CDK14: variants seen among roughly 807,000 people sequenced by gnomAD.
CDK14 encodes the protein cyclin-dependent kinase 14.
CDK14 carries 34 observed loss-of-function variants against 60.7 expected under a neutral mutation model. The observed-to-expected ratio is 0.56, with a 90% CI of 0.43 to 0.75. The LOEUF (loss-of-function observed/expected upper bound fraction) is 0.75. CDK14 is among the 30% of genes least tolerant of loss of function. CDK14 has a pLI of 0.00. For missense variants in CDK14, 482 were observed against 564.1 expected (o/e 0.85, Z 1.47); for synonymous variants, 197 against 203.7 (o/e 0.97, Z 0.28).
chr7:91,014,298 A>G (rs1796243461), intron 10 of CDK14, among the ~76,000 whole-genome samples: 1 of 152,122 alleles, frequency 6.6e-6, no homozygotes, highest in East Asian at 1.9e-4. Flanking sequence ...TGCTTTCTCA[A>G]ATTAGCTTAT....
At chr7:90,892,309 G>A (rs1399510683) in intron 6 of CDK14, among the ~76,000 whole-genome samples, 1 of 150,456 alleles carries the variant, frequency 6.6e-6, no homozygotes, top group Non-Finnish European at 1.5e-5. Flanking sequence ...CTCCACTCAC[G>A]CCTGTTTTAA....
At chr7:91,201,297 AG>A (rs1802714164) in intron 14 of CDK14, among the ~76,000 whole-genome samples, 1 of 152,032 alleles carries the variant, frequency 6.6e-6, no homozygotes, top group Non-Finnish European at 1.5e-5. Context: ...CTTCTCTGTT[AG>A]GCATATTTAC....
At chr7:91,197,711 C>T (rs1349017016) in intron 14 of CDK14, among the ~76,000 whole-genome samples, 1 of 152,154 alleles carries the variant, frequency 6.6e-6, no homozygotes, top group Non-Finnish European at 1.5e-5. Flanking sequence ...GGAGAAAATT[C>T]CACATGAGCA....
chr7:90,794,630 C>G (rs540911377), intron 5 of CDK14, among the ~76,000 whole-genome samples: 1 of 152,198 alleles, frequency 6.6e-6, no homozygotes, highest in Admixed American at 6.5e-5. Context: ...AGTTATCTCC[C>G]TTGTTCCCTG....
At chr7:91,170,852 C>T (rs1175886746) in intron 14 of CDK14, among the ~76,000 whole-genome samples, 1 of 150,942 alleles carries the variant, frequency 6.6e-6, no homozygotes, top group African/African-American at 2.4e-5. Context: ...CTGCAACCTC[C>T]ACCTCCCGGG....
intron 5 of CDK14, among the ~76,000 whole-genome samples, chr7:90,847,582 G>C (rs1241079155): frequency 6.6e-6 from 1 of 151,946 alleles, no homozygotes; most frequent in Non-Finnish European, 1.5e-5. Context: ...CTTTTTAAAT[G>C]CATACAGTTC....
At chr7:90,621,196 C>T (rs926505248) in intron 2 of CDK14, among the ~76,000 whole-genome samples, 5 of 152,280 alleles carry the variant, frequency 3.3e-5, no homozygotes, top group African/African-American at 7.2e-5. Context: ...TGTACCTCCT[C>T]GTTTTTGGGT....
At chr7:90,816,328 G>T (rs1368903582) in intron 5 of CDK14, among the ~76,000 whole-genome samples, 3 of 152,278 alleles carry the variant, frequency 2.0e-5, no homozygotes, top group South Asian at 4.1e-4. Flanking sequence ...TTGCTAGTAG[G>T]GTGTGTGGGT....
intron 2 of CDK14, among the ~76,000 whole-genome samples, chr7:90,692,346 A>T (rs188926034): frequency 2.6e-4 from 40 of 152,234 alleles, no homozygotes; most frequent in African/African-American, 8.9e-4. Flanking sequence ...TCAACTTTGG[A>T]TGGCTGTGTG....
At chr7:91,132,402 GAC>G (rs1001927824) in intron 14 of CDK14, among the ~76,000 whole-genome samples, 1 of 152,100 alleles carries the variant, frequency 6.6e-6, no homozygotes, top group African/African-American at 2.4e-5. Flanking sequence ...GGAGTGAGAA[GAC>G]ACGCGCAGAG....
At chr7:90,672,536 T>TTTTTA (rs1563039673) in intron 2 of CDK14, among the ~76,000 whole-genome samples, 1 of 101,724 alleles carries the variant, frequency 9.8e-6, no homozygotes, top group Non-Finnish European at 1.9e-5. Context: ...TTTTTTTTTT[T>TTTTTA]AATAATTTGG....
intron 14 of CDK14, among the ~76,000 whole-genome samples, chr7:91,164,626 C>T (rs1801287547): frequency 6.6e-6 from 1 of 152,186 alleles, no homozygotes; most frequent in Non-Finnish European, 1.5e-5. Context: ...GAATAAAACA[C>T]ACCATTATTA....
In CDK14 at chr7:90,925,702, A is replaced by C. The variant is rs114402097; in HGVS notation, c.826+7978A>C. On this transcript the variant is annotated intron_variant, in intron 8 of 14. Coordinates refer to ENST00000380050, the MANE Select transcript of CDK14 (RefSeq NM_001287135.2). The stretch of plus-strand genomic sequence containing the variant: ...CATAGCAAGACCTCGTCTCTAAAAA[A>C]ATAATGAAAATAAATAAATAATGAC... 7.7e-3 allele frequency among the ~76,000 whole-genome samples: 1,164 copies of C among 152,032 alleles called. 18 individuals are homozygous for C. Among genetic ancestry groups the C allele is most frequent in the African/African-American group, 0.027 (1,123 of 41,490 alleles).
At chr7:90,909,301 T>C (rs1457865616) in intron 7 of CDK14, among the ~76,000 whole-genome samples, 1 of 152,180 alleles carries the variant, frequency 6.6e-6, no homozygotes, top group African/African-American at 2.4e-5. Flanking sequence ...TTTCAGTTTT[T>C]CTCTTGGAAA....
Position 91,034,733 on chromosome 7 carries a change from C to T in CDK14, c.1042-11164C>T, listed in dbSNP as rs114526695. On this transcript the variant is annotated intron_variant, in intron 10 of 14. Transcript: ENST00000380050. ...AACCTCACTACAGATTCTGCTGCTC[C>T]GCAAAACACAACCCAGAATCATAGT... 3.2e-3 allele frequency among the ~76,000 whole-genome samples: 486 copies of T among 152,186 alleles called. 3 individuals carry two copies. The highest frequency in any genetic ancestry group is 0.011 in the African/African-American group (453 of 41,518).
At chr7:90,659,159 C>T (rs994175624) in intron 2 of CDK14, among the ~76,000 whole-genome samples, 7 of 152,146 alleles carry the variant, frequency 4.6e-5, no homozygotes, top group African/African-American at 9.7e-5. Context: ...AAAACCTATA[C>T]GTTGGTTGGT....
chr7:91,095,151 A>G (rs1467663151), intron 12 of CDK14, among the ~76,000 whole-genome samples: 1 of 152,268 alleles, frequency 6.6e-6, no homozygotes, highest in Admixed American at 6.5e-5. Flanking sequence ...CATGAAGACA[A>G]TAAAACAGAG....
intron 9 of CDK14, among the ~76,000 whole-genome samples, chr7:90,959,306 A>G (rs894880091): frequency 1.3e-5 from 2 of 152,160 alleles, no homozygotes; most frequent in South Asian, 2.1e-4. Context: ...AATCTATGTT[A>G]TATCTATGGT....
chr7:90,837,690 C>T (rs1790155273), intron 5 of CDK14, among the ~76,000 whole-genome samples: 1 of 152,028 alleles, frequency 6.6e-6, no homozygotes, highest in Non-Finnish European at 1.5e-5. Context: ...CCCAGCAGAG[C>T]CTGTTCTTCT....
Sources: gnomAD v4.1 joint callset for allele counts (sites outside exome capture counted in the v4.1 genomes callset) on GRCh38, gnomAD v4.1.1 for gene constraint, MANE v1.5 for transcripts, NCBI Gene and HGNC (gene_info 2026-07-23, HGNC 2026-07-21) for gene names.